The following CNTNAP5 variants were observed in gnomAD, a reference collection of about 807,000 sequenced individuals.
CNTNAP5 encodes contactin associated protein family member 5.
CNTNAP5 carries 72 observed loss-of-function variants against 150.2 expected under a neutral mutation model. The observed-to-expected ratio is 0.48, with a 90% CI of 0.40 to 0.58. The LOEUF is 0.58. Ranked by LOEUF, CNTNAP5 falls within the 20% of genes least tolerant of loss-of-function variation. The probability of loss-of-function intolerance (pLI) is 0.00; values close to 1 mark genes in which losing one functional copy is unlikely to be tolerated. For synonymous variants in CNTNAP5, 672 were observed against 619.8 expected (o/e 1.08, Z -1.25); for missense variants, 1,636 against 1,626.2 (o/e 1.01, Z -0.10).
chr2:124,382,944 G>A (rs902787738), intron 3 of CNTNAP5, among the ~76,000 whole-genome samples: 10 of 151,948 alleles, frequency 6.6e-5, no homozygotes, highest in Middle Eastern at 3.2e-3. Flanking sequence ...TCGGATTCTG[G>A]CATTTTCTTG....
chr2:124,786,784 T>C (rs1382592234), intron 17 of CNTNAP5, among the ~76,000 whole-genome samples: 2 of 152,152 alleles, frequency 1.3e-5, no homozygotes, highest in African/African-American at 4.8e-5. Flanking sequence ...TTACAGAAGA[T>C]TCATGCCTCC....
intron 3 of CNTNAP5, among the ~76,000 whole-genome samples, chr2:124,371,943 G>A (rs1690538384): frequency 6.6e-6 from 1 of 152,028 alleles, no homozygotes; most frequent in African/African-American, 2.4e-5. Flanking sequence ...GGGATGGCTA[G>A]GCAGCTGGTG....
intron 1 of CNTNAP5, among the ~76,000 whole-genome samples, chr2:124,215,712 C>CAAAAAAAAA (rs397985759): frequency 1.6e-4 from 13 of 82,066 alleles, no homozygotes; most frequent in Admixed American, 2.7e-4. Flanking sequence ...AGAAGAAAGG[C>CAAAAAAAAA]AAAAAAAAAA....
intron 10 of CNTNAP5, among the ~76,000 whole-genome samples, chr2:124,554,075 C>T (rs550977100): frequency 3.9e-5 from 6 of 152,144 alleles, no homozygotes; most frequent in African/African-American, 1.4e-4. Flanking sequence ...ATTTTAAAAT[C>T]CTTGTTCTTT....
At chr2:124,528,810 G>C (rs778164012) in intron 10 of CNTNAP5, among the ~76,000 whole-genome samples, 27 of 152,082 alleles carry the variant, frequency 1.8e-4, no homozygotes, top group Non-Finnish European at 3.8e-4. Flanking sequence ...AAGAAGAAGT[G>C]AGAAAGGTGG....
intron 19 of CNTNAP5, among the ~76,000 whole-genome samples, chr2:124,855,916 T>C (rs1677361579): frequency 6.6e-6 from 1 of 152,064 alleles, no homozygotes; most frequent in South Asian, 2.1e-4. Context: ...TCTTATGCCT[T>C]TGCATCCTCA....
At chr2:124,847,411 G>A (rs924712320) in intron 19 of CNTNAP5, among the ~76,000 whole-genome samples, 1 of 152,124 alleles carries the variant, frequency 6.6e-6, no homozygotes, top group African/African-American at 2.4e-5. Context: ...GCAGTCACAG[G>A]CCTCACCCCA....
chr2:124,510,518 T>TATATATATATAC, intron 8 of CNTNAP5, among the ~76,000 whole-genome samples: 1 of 124,918 alleles, frequency 8.0e-6, no homozygotes, highest in Non-Finnish European at 1.6e-5. Context: ...TATATATATA[T>TATATATATATAC]ACATATATCT....
intron 10 of CNTNAP5, among the ~76,000 whole-genome samples, chr2:124,539,140 G>GGA (rs1695318099): frequency 6.6e-6 from 1 of 152,136 alleles, no homozygotes; most frequent in Non-Finnish European, 1.5e-5. Flanking sequence ...TTTTCAGTTG[G>GGA]GAAAAAGGCA....
intron 3 of CNTNAP5, among the ~76,000 whole-genome samples, chr2:124,414,318 G>T (rs74470057): frequency 0.05 from 7,579 of 152,134 alleles, 252 homozygotes; most frequent in South Asian, 0.12. Context: ...TGAACTTGGG[G>T]AGGGGCTGAT....
intron 13 of CNTNAP5, among the ~76,000 whole-genome samples, chr2:124,691,551 T>A (rs892833199): frequency 3.3e-5 from 5 of 152,086 alleles, no homozygotes; most frequent in Non-Finnish European, 7.4e-5. Flanking sequence ...ATTGTTGAAA[T>A]TATTTTGTTT....
intron 12 of CNTNAP5, among the ~76,000 whole-genome samples, chr2:124,631,712 A>C (rs1040432517): frequency 1.3e-5 from 2 of 152,204 alleles, no homozygotes; most frequent in Non-Finnish European, 2.9e-5. Context: ...AAAACCAAAA[A>C]TTGACAAATG....
chr2:124,489,607 G>A (rs1375434420), intron 7 of CNTNAP5, among the ~76,000 whole-genome samples: 4 of 152,134 alleles, frequency 2.6e-5, no homozygotes, highest in Non-Finnish European at 4.4e-5. Context: ...GCTTGTGTGA[G>A]CAGTCTTTAA....
intron 12 of CNTNAP5, among the ~76,000 whole-genome samples, chr2:124,612,134 A>G (rs1409631202): frequency 6.6e-6 from 1 of 152,190 alleles, no homozygotes; most frequent in Non-Finnish European, 1.5e-5. Flanking sequence ...ATTTTGTAAC[A>G]ATAATTGAAG....
intron 22 of CNTNAP5, among the ~76,000 whole-genome samples, chr2:124,905,601 G>T (rs1229322580): frequency 6.6e-6 from 1 of 152,104 alleles, no homozygotes; most frequent in Admixed American, 6.6e-5. Flanking sequence ...AAGGTGACAG[G>T]CATGAGATGA....
intron 10 of CNTNAP5, among the ~76,000 whole-genome samples, chr2:124,562,679 C>T (rs1695920630): frequency 6.6e-6 from 1 of 152,102 alleles, no homozygotes; most frequent in South Asian, 2.1e-4. Flanking sequence ...ATAGCATTTA[C>T]ACTTTTACAA....
intron 10 of CNTNAP5, among the ~76,000 whole-genome samples, chr2:124,535,517 A>T (rs1232407616): frequency 6.6e-6 from 1 of 151,074 alleles, no homozygotes; most frequent in African/African-American, 2.4e-5. Context: ...TAATCCCAGC[A>T]CTTTGGGAGG....
At chr2:124,247,535 T>C (rs1687060163) in intron 3 of CNTNAP5, among the ~76,000 whole-genome samples, 2 of 152,120 alleles carry the variant, frequency 1.3e-5, no homozygotes, top group South Asian at 4.1e-4. Flanking sequence ...TAAGTTATGT[T>C]GGCTTGTCAG....
chr2:124,145,750 T>A (rs1684223701), intron 1 of CNTNAP5, among the ~76,000 whole-genome samples: 1 of 112,522 alleles, frequency 8.9e-6, no homozygotes, highest in Non-Finnish European at 1.7e-5. Context: ...CATATGTAAC[T>A]AACCTGCACA....
Sources: gnomAD v4.1 joint callset for allele counts (sites outside exome capture counted in the v4.1 genomes callset) on GRCh38, gnomAD v4.1.1 for gene constraint, MANE v1.5 for transcripts, NCBI Gene and HGNC (gene_info 2026-07-23, HGNC 2026-07-21) for gene names.